The following EGFR variants were observed in gnomAD, a reference collection of about 807,000 sequenced individuals.
The protein encoded by EGFR is epidermal growth factor receptor.
EGFR carries 58 observed loss-of-function variants against 143.0 expected under a neutral mutation model. The observed-to-expected ratio is 0.41, with a 90% CI of 0.33 to 0.50. The LOEUF (loss-of-function observed/expected upper bound fraction) is 0.50. Ranked by LOEUF, EGFR falls within the 20% of genes least tolerant of loss-of-function variation. The probability of loss-of-function intolerance (pLI) is 0.39; values close to 1 mark genes in which losing one functional copy is unlikely to be tolerated. For missense variants in EGFR, 1,307 were observed against 1,579.0 expected, an observed-to-expected ratio of 0.83 and a Z score of 2.92; for synonymous variants, 613 against 594.4, an observed-to-expected ratio of 1.03 and a Z score of -0.45.
rs17289830 is a variant in EGFR, at chr7:55,152,677, T to C, written c.747+13T>C. ...GAGCGACTGCCTGGTAAGATGCCCC[T>C]CCAGCAGCCTCCCTGGAGCAGGCTG... On this transcript the variant is annotated intron_variant, in intron 6 of 27. Coordinates refer to ENST00000275493, the MANE Select transcript of EGFR (RefSeq NM_005228.5). The C allele has an allele frequency of 7.5e-6, 12 of 1,610,310 alleles. No homozygotes were observed. In the African/African-American group the frequency reaches 9.4e-5, roughly 13 times the overall value.
rs1785420006 is a variant in EGFR, at chr7:55,156,381, C to A, written c.1007-152C>A. The A allele has an allele frequency of 4.4e-6, 5 of 1,137,038 alleles. No individual in the cohort carries two copies. The South Asian group carries it at 5.1e-5, about 12-fold the overall frequency. 70.4% of individuals were successfully genotyped at this position (1,137,038 alleles called of 1,614,324 possible). A position where few individuals can be genotyped will look rare whatever the true frequency, so the allele number is the denominator to read the frequency against. ...CCCTTCCCGCCTGCACTCTCCCCAG[C>A]CCCTTCAGTGTTTGTTGAGTGAATG... On this transcript the variant is annotated intron_variant, in intron 8 of 27. Transcript: ENST00000275493.
chr7:55,156,459 C>T, intron 8 of EGFR, 74 bp from the exon 9 acceptor site: 1 of 1,603,728 alleles, frequency 6.2e-7, no homozygotes, highest in Non-Finnish European at 8.5e-7. Context: ...TCCTGCTTCC[C>T]TCTGCCTGTG....
intron 1 of EGFR, among the ~76,000 whole-genome samples, chr7:55,118,013 C>A (rs1035282819): frequency 6.6e-6 from 1 of 152,136 alleles, no homozygotes; most frequent in Middle Eastern, 3.2e-3. Flanking sequence ...TCAGACTCGG[C>A]GTGTCTATAA....
intron 1 of EGFR, among the ~76,000 whole-genome samples, chr7:55,059,493 G>A (rs1375053686): frequency 6.6e-6 from 1 of 151,928 alleles, no homozygotes; most frequent in Non-Finnish European, 1.5e-5. Flanking sequence ...CCCACAGGTT[G>A]CGTTAGGGGT....
chr7:55,101,784 A>G (rs1791846935), intron 1 of EGFR, among the ~76,000 whole-genome samples: 1 of 152,098 alleles, frequency 6.6e-6, no homozygotes, highest in South Asian at 2.1e-4. Flanking sequence ...CTTCTTTCCC[A>G]TTTTGAAACT....
chr7:55,155,774 A>G (rs1026256557), intron 7 of EGFR, 56 bp from the exon 8 acceptor site: 104 of 1,434,350 alleles, frequency 7.3e-5, no homozygotes, highest in Non-Finnish European at 9.3e-5. Context: ...CGCCTGTGTG[A>G]GGCCCGAGCA....
At chr7:55,037,317 C>A (rs1787643415) in intron 1 of EGFR, among the ~76,000 whole-genome samples, 1 of 152,182 alleles carries the variant, frequency 6.6e-6, no homozygotes, top group Admixed American at 6.5e-5. Context: ...TAGCCTCTGA[C>A]CCCTAAGGAG....
chr7:55,134,005 C>A (rs1793997309), intron 1 of EGFR, among the ~76,000 whole-genome samples: 1 of 152,256 alleles, frequency 6.6e-6, no homozygotes, highest in Non-Finnish European at 1.5e-5. Flanking sequence ...GGCGTTTACT[C>A]ACCCTCTGTC....
Position 55,202,619 on chromosome 7 carries a change from G to C in EGFR, c.3265G>C (p.Val1089Leu), listed in dbSNP as rs1787900074. 1 of 1,611,992 alleles carries C rather than the reference G, an allele frequency of 6.2e-7. No homozygotes were observed. The highest frequency in any genetic ancestry group is 1.3e-5 in the African/African-American group (1 of 74,814). ...CAGCATAGACGACACCTTCCTCCCA[G>C]TGCCTGGTGAGTGGCTTGTCTGGAA... ...EDSIDDTFLP[V>L]PEYINQSVPK... is the part of the protein sequence containing the mutation. The change falls in exon 27 of 28, where the codon GTG (valine) becomes CTG (leucine). Residue 1089 changes from valine to leucine, a missense_variant. Transcript: ENST00000275493.
chr7:55,138,240 T>C (rs1207522665), intron 1 of EGFR, among the ~76,000 whole-genome samples: 1 of 152,228 alleles, frequency 6.6e-6, no homozygotes, highest in Admixed American at 6.5e-5. Context: ...TGCTTTGAAG[T>C]CCTAAGTCAT....
At chr7:55,105,529 T>C (rs371788978) in intron 1 of EGFR, among the ~76,000 whole-genome samples, 1 of 152,240 alleles carries the variant, frequency 6.6e-6, no homozygotes, top group African/African-American at 2.4e-5. Flanking sequence ...TATCCTAACG[T>C]GGACACTAAT....
chr7:55,092,059 G>A (rs544749519), intron 1 of EGFR, among the ~76,000 whole-genome samples: 2 of 152,122 alleles, frequency 1.3e-5, no homozygotes, highest in Admixed American at 6.5e-5. Flanking sequence ...TAACTTGATT[G>A]TACAGCTGCT....
At position 55,147,595 on chromosome 7, in the gene EGFR, C is replaced by T. The variant is rs741152; in HGVS notation, c.559+855C>T. Among the ~76,000 whole-genome samples, 510 of 150,972 alleles carry T rather than the reference C, an allele frequency of 3.4e-3. 1 individual carries two copies. Among genetic ancestry groups the T allele is most frequent in the African/African-American group, 9.2e-3 (377 of 41,196 alleles). ...GATTTTTGTGTATTTGTTTTATTTT[C>T]ATTTTATGGATGGATTGTGATGAAA... is the stretch of plus-strand genomic sequence containing the variant. On this transcript the variant is annotated intron_variant, in intron 4 of 27. Coordinates refer to ENST00000275493, the MANE Select transcript of EGFR (RefSeq NM_005228.5).
chr7:55,180,538 A>C (rs12532468), intron 19 of EGFR: 1 of 152,428 alleles, frequency 6.6e-6, no homozygotes, highest in Non-Finnish European at 1.5e-5. Flanking sequence ...GCCTGGGGGC[A>C]CAGCACAGAG....
chr7:55,131,843 G>A (rs1406262470), intron 1 of EGFR, among the ~76,000 whole-genome samples: 1 of 151,888 alleles, frequency 6.6e-6, no homozygotes, highest in East Asian at 1.9e-4. Flanking sequence ...CAGGCTAACA[G>A]CTGTCATGGA....
chr7:55,070,031 AT>A (rs1353138519), intron 1 of EGFR, among the ~76,000 whole-genome samples: 2 of 152,242 alleles, frequency 1.3e-5, no homozygotes, highest in Non-Finnish European at 2.9e-5. Flanking sequence ...AAAAAGTTGC[AT>A]TGTTTTTTGA....
intron 15 of EGFR, 190 bp from the exon 16 acceptor site, chr7:55,170,985 G>C: frequency 6.9e-7 from 1 of 1,453,910 alleles, no homozygotes; most frequent in Non-Finnish European, 9.0e-7. Flanking sequence ...AATATTTGCT[G>C]AGTGAATGAA....
intron 15 of EGFR, among the ~76,000 whole-genome samples, chr7:55,167,529 G>A (rs1184000632): frequency 7.9e-6 from 1 of 125,992 alleles, no homozygotes; most frequent in African/African-American, 3.2e-5. Context: ...GTGGTGAGGA[G>A]GTGGGAGTCA....
At chr7:55,113,218 C>G (rs1442308483) in intron 1 of EGFR, among the ~76,000 whole-genome samples, 1 of 152,206 alleles carries the variant, frequency 6.6e-6, no homozygotes, top group African/African-American at 2.4e-5. Flanking sequence ...ACTCCCTTCC[C>G]TAAACATTCT....
Sources: allele counts gnomAD v4.1 joint callset (sites outside exome capture counted in the v4.1 genomes callset), GRCh38; gene constraint gnomAD v4.1.1; transcripts MANE v1.5; gene names NCBI Gene and HGNC (gene_info 2026-07-23, HGNC 2026-07-21).